Variants in RBM6 observed in about 807,000 individuals in gnomAD.
RBM6 encodes the protein RNA-binding protein 6.
In RBM6, 23 loss-of-function variants were observed where a neutral mutation model predicts 140.4. The observed-to-expected ratio is 0.16, with a 90% CI of 0.12 to 0.23. The LOEUF is 0.23. RBM6 is among the 10% of genes least tolerant of loss of function. The pLI is 1.00. For missense variants in RBM6, 1,139 were observed against 1,386.7 expected (o/e 0.82, Z 2.84); for synonymous variants, 439 against 475.6 (o/e 0.92, Z 1.00).
At chr3:50,073,653 T>G (rs951244183) in intron 19 of RBM6, among the ~76,000 whole-genome samples, 2 of 152,150 alleles carry the variant, frequency 1.3e-5, no homozygotes, top group Non-Finnish European at 1.5e-5. Flanking sequence ...CCACTGTTCT[T>G]CAGTCCATTC....
intron 3 of RBM6, among the ~76,000 whole-genome samples, chr3:49,971,427 A>G (rs2084788965): frequency 6.6e-6 from 1 of 150,488 alleles, no homozygotes; most frequent in Non-Finnish European, 1.5e-5. Flanking sequence ...CCTGGGCGAC[A>G]GAGCGACACT....
intron 6 of RBM6, among the ~76,000 whole-genome samples, chr3:50,025,164 C>G (rs1018390179): frequency 6.6e-6 from 1 of 151,776 alleles, no homozygotes; most frequent in African/African-American, 2.4e-5. Context: ...GTGGCTCACG[C>G]CTGTAATCCC....
At chr3:49,982,069 A>G (rs1351268060) in intron 5 of RBM6, among the ~76,000 whole-genome samples, 1 of 152,084 alleles carries the variant, frequency 6.6e-6, no homozygotes, top group South Asian at 2.1e-4. Context: ...GGAAGAAGCA[A>G]TATCTTGCTT....
At chr3:50,006,183 C>T (rs571355317) in intron 6 of RBM6, among the ~76,000 whole-genome samples, 23 of 145,098 alleles carry the variant, frequency 1.6e-4, no homozygotes, top group Non-Finnish European at 2.1e-4. Context: ...CTCGCTGTGT[C>T]GCCCAGGCTG....
intron 11 of RBM6, among the ~76,000 whole-genome samples, chr3:50,060,326 T>G (rs573370332): frequency 6.6e-6 from 1 of 152,320 alleles, no homozygotes; most frequent in East Asian, 1.9e-4. Flanking sequence ...TTCACTCATC[T>G]TGACCCAGGA....
intron 3 of RBM6, among the ~76,000 whole-genome samples, chr3:49,971,432 G>A (rs1225714959): frequency 2.0e-5 from 3 of 150,762 alleles, no homozygotes; most frequent in East Asian, 1.9e-4. Flanking sequence ...GCGACAGAGC[G>A]ACACTCTGTC....
At chr3:50,047,462 T>A in intron 6 of RBM6, 1 of 498,238 alleles carries the variant, frequency 2.0e-6, no homozygotes, top group Non-Finnish European at 2.6e-6. Flanking sequence ...AATTCATGAC[T>A]TGTCCAAAAT....
intron 6 of RBM6, among the ~76,000 whole-genome samples, chr3:50,028,237 A>G (rs1468191932): frequency 6.6e-6 from 1 of 152,102 alleles, no homozygotes; most frequent in Non-Finnish European, 1.5e-5. Context: ...ACCATTGAAT[A>G]GCATATTTAT....
intron 5 of RBM6, among the ~76,000 whole-genome samples, chr3:49,993,985 C>A (rs1447490032): frequency 1.3e-5 from 2 of 152,134 alleles, no homozygotes; most frequent in Non-Finnish European, 2.9e-5. Context: ...TCATGTGGAC[C>A]AATTTTATCC....
intron 6 of RBM6, among the ~76,000 whole-genome samples, chr3:50,035,269 T>C (rs1351567611): frequency 6.6e-6 from 1 of 151,900 alleles, no homozygotes; most frequent in African/African-American, 2.4e-5. Flanking sequence ...GAAAGTACAC[T>C]TGGAAGAGGG....
At chr3:50,045,746 A>G (rs1459957493) in intron 6 of RBM6, among the ~76,000 whole-genome samples, 3 of 152,172 alleles carry the variant, frequency 2.0e-5, no homozygotes, top group Admixed American at 1.3e-4. Flanking sequence ...ATAATGATCA[A>G]CATTTCTTGA....
chr3:50,065,114 G>A lies in RBM6; in HGVS notation c.2670G>A (p.Glu890=), dbSNP rs746112639. 4 of 1,611,578 alleles carry A rather than the reference G, an allele frequency of 2.5e-6. No individual in the cohort carries two copies. The Admixed American group carries it at 6.7e-5, about 27-fold the overall frequency. Residue 890 remains glutamate (E), a synonymous_variant, in exon 16 of 21, where the codon GAG becomes GAA. Transcript: ENST00000266022. ...KPLPPTVKKE[E]SPPPPKVVNP... ...TGCCTCCTACTGTGAAGAAGGAAGA[G>A]AGTCCCCCTCCAGTAAGACCAACAT...
intron 15 of RBM6, among the ~76,000 whole-genome samples, chr3:50,062,416 AT>A (rs917277760): frequency 4.6e-5 from 7 of 151,552 alleles, no homozygotes; most frequent in Admixed American, 2.6e-4. Context: ...AGGCAGGAGA[AT>A]TGCTTGAACC....
chr3:49,994,670 GT>G (rs1482229820), intron 5 of RBM6, among the ~76,000 whole-genome samples: 2 of 38,080 alleles, frequency 5.3e-5, no homozygotes, highest in Non-Finnish European at 1.5e-4. Context: ...AGGCTGTGGG[GT>G]GTGTGTGTGT....
chr3:49,985,064 C>T (rs1011312794), intron 5 of RBM6, among the ~76,000 whole-genome samples: 29 of 152,174 alleles, frequency 1.9e-4, no homozygotes, highest in African/African-American at 6.8e-4. Flanking sequence ...CCTCACTTAC[C>T]TCTTTTGCCA....
intron 20 of RBM6, among the ~76,000 whole-genome samples, chr3:50,075,887 G>A (rs1304994633): frequency 6.6e-6 from 1 of 151,970 alleles, no homozygotes; most frequent in Non-Finnish European, 1.5e-5. Flanking sequence ...CATATCTCTG[G>A]TATTAAAGCC....
intron 6 of RBM6, among the ~76,000 whole-genome samples, chr3:50,007,954 G>A (rs1216863500): frequency 1.3e-5 from 2 of 152,174 alleles, no homozygotes; most frequent in Non-Finnish European, 2.9e-5. Flanking sequence ...AAATTAGCTG[G>A]GTATGGTGGT....
chr3:49,976,260 T>G (rs2085058037), intron 5 of RBM6, among the ~76,000 whole-genome samples: 1 of 152,166 alleles, frequency 6.6e-6, no homozygotes, highest in Non-Finnish European at 1.5e-5. Context: ...TAGCAGTTTA[T>G]CATGGGATAA....
At position 49,972,145 on chromosome 3, in the gene RBM6, A is replaced by G. The variant is rs1410879815; in HGVS notation, c.1410A>G (p.Glu470=). ...GGGTACCTGAAGATGCCACAAAAGAAGAGGTAAGGCATGTCTTCTCTCCTG... is the reference window on the plus strand; with the variant it reads ...GGGTACCTGAAGATGCCACAAAAGAGGAGGTAAGGCATGTCTTCTCTCCTG... ...LSGVPEDATK[E]EILNAFRTPD... Residue 470 remains glutamate (E), a synonymous_variant, in exon 4 of 21, where the codon GAA becomes GAG. Coordinates refer to ENST00000266022, the MANE Select transcript of RBM6 (RefSeq NM_005777.3). 1.9e-6 allele frequency: 3 copies of G among 1,607,072 alleles called. No individual in the cohort carries two copies. The highest frequency in any genetic ancestry group is 1.7e-5 in the Admixed American group (1 of 59,924).
Sources: allele counts gnomAD v4.1 joint callset (sites outside exome capture counted in the v4.1 genomes callset), GRCh38; gene constraint gnomAD v4.1.1; transcripts MANE v1.5; gene names NCBI Gene and HGNC (gene_info 2026-07-23, HGNC 2026-07-21).